Variants in DNAH14 observed in about 807,000 individuals in gnomAD.
The protein encoded by DNAH14 is axonemal beta dynein heavy chain 14.
In DNAH14, 478 loss-of-function variants were observed where a neutral mutation model predicts 520.9. That is an observed-to-expected ratio of 0.92 (90% confidence interval 0.85 to 0.99). DNAH14 has a LOEUF of 0.99. Among genes scored for constraint, DNAH14 ranks in the 50% least tolerant of loss-of-function variants. The pLI is 0.00. For missense variants in DNAH14, 4,831 were observed against 5,234.5 expected (o/e 0.92, Z 2.38); for synonymous variants, 1,581 against 1,757.2 (o/e 0.90, Z 2.51).
At chr1:225,044,564 A>C (rs1023954931) in intron 15 of DNAH14, among the ~76,000 whole-genome samples, 1 of 152,110 alleles carries the variant, frequency 6.6e-6, no homozygotes, top group African/African-American at 2.4e-5. Flanking sequence ...TTGTTTATGC[A>C]AGTCCCAGTA....
rs567124214 is a variant in DNAH14 at position 225,144,203 on chromosome 1, TCTA to T, written c.4509-190_4509-188del. Reference sequence around the variant, plus strand: ...TGTTCACATGTTTTTATTCTTCAGTTCTACTATTTCATACCTAATATGATCAGT... The same window carrying T: ...TGTTCACATGTTTTTATTCTTCAGTTCTATTTCATACCTAATATGATCAGT... On this transcript the variant is annotated intron_variant, in intron 28 of 85. Coordinates refer to ENST00000682510, the MANE Select transcript of DNAH14 (RefSeq NM_001367479.1). Among the ~76,000 whole-genome samples, 120 of 152,332 alleles carry T rather than the reference TCTA, an allele frequency of 7.9e-4. 1 individual carries two copies. The highest frequency in any genetic ancestry group is 2.8e-3 in the African/African-American group (116 of 41,596).
At chr1:225,073,971 G>A (rs185535163) in intron 17 of DNAH14, among the ~76,000 whole-genome samples, 2,197 of 141,670 alleles carry the variant, frequency 0.016, 45 homozygotes, top group East Asian at 0.055. Flanking sequence ...ATGAGCCACC[G>A]CACTCAGCTG....
At chr1:225,115,308 C>A (rs910720190) in intron 23 of DNAH14, among the ~76,000 whole-genome samples, 79 of 152,164 alleles carry the variant, frequency 5.2e-4, no homozygotes, top group Non-Finnish European at 8.4e-4. Context: ...TTATTAGCAC[C>A]ATTAAGTTGA....
intron 17 of DNAH14, among the ~76,000 whole-genome samples, chr1:225,078,859 CCT>C (rs752732306): frequency 0.041 from 779 of 18,940 alleles, 43 homozygotes; most frequent in East Asian, 0.18. Flanking sequence ...TCTCTCTCTC[CCT>C]CTCTCTCTCT....
chr1:225,134,635 T>C (rs1356970373), intron 27 of DNAH14, among the ~76,000 whole-genome samples: 1 of 152,198 alleles, frequency 6.6e-6, no homozygotes, highest in African/African-American at 2.4e-5. Flanking sequence ...CAGTATTTTA[T>C]TGAGGATTTT....
chr1:225,137,899 CT>C (rs2079094023), intron 27 of DNAH14, among the ~76,000 whole-genome samples: 1 of 152,214 alleles, frequency 6.6e-6, no homozygotes, highest in Admixed American at 6.5e-5. Context: ...AGAGATAGCG[CT>C]GCCCCTCACC....
intron 43 of DNAH14, among the ~76,000 whole-genome samples, chr1:225,242,959 T>C (rs912494552): frequency 1.3e-5 from 2 of 152,218 alleles, no homozygotes; most frequent in African/African-American, 4.8e-5. Context: ...TAAAACATCA[T>C]TGTGTGGCAC....
intron 8 of DNAH14, among the ~76,000 whole-genome samples, chr1:225,001,552 A>G (rs1207294047): frequency 6.6e-6 from 1 of 152,114 alleles, no homozygotes; most frequent in Admixed American, 6.6e-5. Flanking sequence ...TAGATCATGC[A>G]TTACAGCTAT....
At chr1:225,195,028 G>T (rs947563233) in intron 38 of DNAH14, among the ~76,000 whole-genome samples, 8 of 152,030 alleles carry the variant, frequency 5.3e-5, no homozygotes, top group African/African-American at 1.7e-4. Context: ...GCTAGCAAGG[G>T]TATGGAGAAA....
chr1:225,127,292 A>G (rs1330317559), intron 27 of DNAH14, among the ~76,000 whole-genome samples: 1 of 151,672 alleles, frequency 6.6e-6, no homozygotes, highest in East Asian at 1.9e-4. Flanking sequence ...TGATCTGTCT[A>G]ATGTTGACAG....
rs543230125 is a variant in DNAH14, at chr1:225,122,232, G to A, written c.4167-1295G>A. Among the ~76,000 whole-genome samples the A allele has an allele frequency of 3.3e-5, 5 of 152,218 alleles. No individual in the cohort carries two copies. The South Asian group carries it at 1.0e-3, about 32-fold the overall frequency. ...TGGTACTAGTTTTTCTAAAATAGCT[G>A]GTCATTCTTGGTTATCTTTTCATAT... On this transcript the variant is annotated intron_variant, in intron 26 of 85. Transcript: ENST00000682510.
intron 11 of DNAH14, among the ~76,000 whole-genome samples, chr1:225,026,053 C>T (rs1162574230): frequency 6.6e-6 from 1 of 151,804 alleles, no homozygotes; most frequent in Non-Finnish European, 1.5e-5. Flanking sequence ...TTGTCTTGAA[C>T]TCCTGGGCTC....
At chr1:225,192,298 A>G (rs2085550510) in intron 37 of DNAH14, among the ~76,000 whole-genome samples, 1 of 152,128 alleles carries the variant, frequency 6.6e-6, no homozygotes, top group East Asian at 1.9e-4. Flanking sequence ...TTCTGGCAAG[A>G]CAGGTTAAAA....
At chr1:225,132,270 G>C (rs2078500565) in intron 27 of DNAH14, among the ~76,000 whole-genome samples, 1 of 151,864 alleles carries the variant, frequency 6.6e-6, no homozygotes, top group South Asian at 2.1e-4. Context: ...ATAGGTAAAG[G>C]TGTGCCATGC....
intron 65 of DNAH14, 80 bp from the exon 66 acceptor site, chr1:225,333,211 A>C: frequency 8.5e-7 from 1 of 1,181,638 alleles, no homozygotes; most frequent in Non-Finnish European, 1.2e-6. Context: ...TGATAGATCC[A>C]ACTTGGAAAT....
intron 43 of DNAH14, among the ~76,000 whole-genome samples, chr1:225,247,408 A>T (rs959023832): frequency 2.0e-5 from 3 of 152,164 alleles, no homozygotes; most frequent in African/African-American, 7.2e-5. Flanking sequence ...AAAATAAGTA[A>T]ATAAAAAGAA....
chr1:225,311,510 A>G (rs1266614091), intron 60 of DNAH14, among the ~76,000 whole-genome samples: 1 of 152,146 alleles, frequency 6.6e-6, no homozygotes, highest in Non-Finnish European at 1.5e-5. Flanking sequence ...TGTTTTAGTC[A>G]TGAAGTCTTT....
rs1174658687 is a variant in DNAH14, at chr1:225,360,682, G to C, written c.11778G>C (p.Gly3926=). The C allele has an allele frequency of 6.4e-7, 1 of 1,551,466 alleles. No individual in the cohort carries two copies. Among genetic ancestry groups the C allele is most frequent in the Admixed American group, 2.0e-5 (1 of 50,986 alleles). The change falls in exon 75 of 86, where the codon GGG becomes GGC. Residue 3926 remains glycine, a splice_region_variant and synonymous_variant. Transcript: ENST00000682510. ...RTPLILIQTH[G]IDLTNILLRF... is the part of the protein sequence containing the mutation. ...ATACCTCTCCACGTTGTTATACAGGGATCGACCTTACCAATATCCTCCTGA... is the reference window on the plus strand; with the variant it reads ...ATACCTCTCCACGTTGTTATACAGGCATCGACCTTACCAATATCCTCCTGA...
At chr1:225,173,031 G>A (rs1308481269) in intron 36 of DNAH14, among the ~76,000 whole-genome samples, 1 of 152,172 alleles carries the variant, frequency 6.6e-6, no homozygotes, top group Non-Finnish European at 1.5e-5. Context: ...TTTAATAAAT[G>A]GTGCTGGGAA....
Sources: allele counts gnomAD v4.1 joint callset (sites outside exome capture counted in the v4.1 genomes callset), GRCh38; gene constraint gnomAD v4.1.1; transcripts MANE v1.5; gene names NCBI Gene and HGNC (gene_info 2026-07-23, HGNC 2026-07-21).